Variants in PDE3B observed in about 807,000 individuals in gnomAD.
The protein encoded by PDE3B is phosphodiesterase 3B, also known as cGMP-inhibited 3',5'-cyclic phosphodiesterase 3B.
In PDE3B, 66 loss-of-function variants were observed where a neutral mutation model predicts 116.8. That is an observed-to-expected ratio of 0.56 (90% CI 0.46 to 0.69). The LOEUF (loss-of-function observed/expected upper bound fraction) is 0.69. Ranked by LOEUF, PDE3B falls within the 30% of genes least tolerant of loss-of-function variation. The pLI, the probability that PDE3B is intolerant of heterozygous loss-of-function variation, is 0.00. For missense variants in PDE3B, 1,384 were observed against 1,368.1 expected (o/e 1.01, Z -0.18); for synonymous variants, 595 against 533.6 (o/e 1.12, Z -1.59).
chr11:14,704,748 G>A (rs888737485), intron 1 of PDE3B, among the ~76,000 whole-genome samples: 1 of 151,544 alleles, frequency 6.6e-6, no homozygotes, highest in Admixed American at 6.6e-5. Context: ...CAGGAAAGGT[G>A]AACTTAAAAT....
At chr11:14,864,486 CA>C (rs1344053730) in intron 14 of PDE3B, among the ~76,000 whole-genome samples, 4 of 152,174 alleles carry the variant, frequency 2.6e-5, no homozygotes, top group Non-Finnish European at 5.9e-5. Flanking sequence ...CACCCCAAAT[CA>C]ACAGAATATA....
At chr11:14,890,825 G>T in the PDE3B span, 1 of 978,266 alleles carries the variant, frequency 1.0e-6, no homozygotes, top group Non-Finnish European at 1.2e-6. Context: ...TGGGATTATA[G>T]GCGTGAGCCA....
At chr11:14,729,817 G>A (rs1232842309) in intron 1 of PDE3B, among the ~76,000 whole-genome samples, 1 of 152,008 alleles carries the variant, frequency 6.6e-6, no homozygotes, top group Admixed American at 6.6e-5. Flanking sequence ...AAAAACAATG[G>A]ATGACTAAAA....
chr11:14,856,592 C>G (rs1390731674), intron 12 of PDE3B, among the ~76,000 whole-genome samples: 6 of 152,048 alleles, frequency 3.9e-5, no homozygotes, highest in African/African-American at 1.4e-4. Context: ...TGGTGGCTCA[C>G]GCCTGTAATC....
chr11:14,652,663 C>T (rs1158304146), intron 1 of PDE3B, among the ~76,000 whole-genome samples: 1 of 152,148 alleles, frequency 6.6e-6, no homozygotes, highest in East Asian at 1.9e-4. Flanking sequence ...GCAGAACTGA[C>T]ACTCTATACT....
chr11:14,747,258 C>T (rs2133871591), intron 1 of PDE3B, among the ~76,000 whole-genome samples: 1 of 152,300 alleles, frequency 6.6e-6, no homozygotes, highest in African/African-American at 2.4e-5. Context: ...TTGGGAATCA[C>T]ATTTCAGCAT....
rs537936324 is a variant in PDE3B at position 14,697,821 on chromosome 11, A to G, written c.978+52768A>G. Among the ~76,000 whole-genome samples the G allele has an allele frequency of 2.6e-3, 399 of 152,078 alleles. 3 individuals are homozygous for G. The Middle Eastern group carries it at 0.027, about 10-fold the overall frequency. ...GTATTTTATTTTCTTATGTTATTGT[A>G]TAAGTGGTGTTTCATAAATTTCATG... On this transcript the variant is annotated intron_variant, in intron 1 of 15. Coordinates refer to ENST00000282096, the MANE Select transcript of PDE3B (RefSeq NM_000922.4).
chr11:14,654,066 A>G (rs536238591), intron 1 of PDE3B, among the ~76,000 whole-genome samples: 3 of 152,264 alleles, frequency 2.0e-5, no homozygotes, highest in African/African-American at 7.2e-5. Flanking sequence ...GTTGGAGAAT[A>G]AGAAGTAAAG....
At chr11:14,730,707 A>G (rs759423604) in intron 1 of PDE3B, among the ~76,000 whole-genome samples, 11 of 152,192 alleles carry the variant, frequency 7.2e-5, no homozygotes, top group Admixed American at 1.3e-4. Context: ...ATAGTATTCT[A>G]TCCCTTCTTC....
chr11:14,863,318 G>T (rs1327986653), intron 14 of PDE3B, among the ~76,000 whole-genome samples: 1 of 152,076 alleles, frequency 6.6e-6, no homozygotes, highest in Non-Finnish European at 1.5e-5. Flanking sequence ...TCTTTGAAAA[G>T]CATTCCTATT....
chr11:14,799,731 T>G (rs1660557221), intron 4 of PDE3B, among the ~76,000 whole-genome samples: 1 of 151,746 alleles, frequency 6.6e-6, no homozygotes, highest in African/African-American at 2.4e-5. Flanking sequence ...GTCTGTTTTA[T>G]CAGAGATTAG....
chr11:14,703,303 C>CT (rs2133819787), intron 1 of PDE3B, among the ~76,000 whole-genome samples: 1 of 151,604 alleles, frequency 6.6e-6, no homozygotes, highest in East Asian at 1.9e-4. Flanking sequence ...CACTCTGTAG[C>CT]TTAAGAAAAA....
At chr11:14,695,959 G>A (rs985651786) in intron 1 of PDE3B, among the ~76,000 whole-genome samples, 9 of 152,020 alleles carry the variant, frequency 5.9e-5, no homozygotes, top group Admixed American at 5.2e-4. Flanking sequence ...ATTGTGAATC[G>A]TGCTGCAGTG....
chr11:14,758,102 T>C (rs1857247687), intron 1 of PDE3B, among the ~76,000 whole-genome samples: 1 of 152,102 alleles, frequency 6.6e-6, no homozygotes, highest in African/African-American at 2.4e-5. Flanking sequence ...TTGTCAAAGA[T>C]CAGATAGTTG....
chr11:14,789,778 A>G (rs950720454), intron 4 of PDE3B, among the ~76,000 whole-genome samples: 3 of 152,056 alleles, frequency 2.0e-5, no homozygotes, highest in Non-Finnish European at 2.9e-5. Context: ...TTATAAATGA[A>G]AGGCATCAGT....
rs1023571298 is a variant in PDE3B at position 14,760,562 on chromosome 11, C to G, written c.979-11375C>G. Among the ~76,000 whole-genome samples, 38 of 152,058 alleles carry G rather than the reference C, an allele frequency of 2.5e-4. 1 individual carries two copies. On this transcript the variant is annotated intron_variant, in intron 1 of 15. Transcript: ENST00000282096. Reference sequence around the variant, plus strand: ...GTTATCCTCATTGACCATCAGCATACCAAAAAGACTAGGATAGTTTAAAAT... The same window carrying G: ...GTTATCCTCATTGACCATCAGCATAGCAAAAAGACTAGGATAGTTTAAAAT...
At chr11:14,858,360 A>G (rs1182518602) in intron 12 of PDE3B, among the ~76,000 whole-genome samples, 1 of 152,096 alleles carries the variant, frequency 6.6e-6, no homozygotes. Context: ...TCTATACTCC[A>G]CTGATTTTAA....
the PDE3B span, among the ~76,000 whole-genome samples, chr11:14,882,174 A>G: frequency 6.6e-6 from 1 of 152,240 alleles, no homozygotes; most frequent in East Asian, 1.9e-4. Flanking sequence ...GTTCCAGGCA[A>G]TGTTCTAAGT....
chr11:14,842,690 G>A (rs1317151173), intron 11 of PDE3B, among the ~76,000 whole-genome samples: 26 of 152,144 alleles, frequency 1.7e-4, no homozygotes, highest in African/African-American at 4.8e-5. Context: ...GTACTATTAC[G>A]ATTGGACCTA....
Sources: gnomAD v4.1 joint callset for allele counts (sites outside exome capture counted in the v4.1 genomes callset) on GRCh38, gnomAD v4.1.1 for gene constraint, MANE v1.5 for transcripts, NCBI Gene and HGNC (gene_info 2026-07-23, HGNC 2026-07-21) for gene names.